The following CEP63 variants were observed in gnomAD, a reference collection of about 807,000 sequenced individuals.
CEP63 encodes centrosomal protein 63.
In CEP63, 84 loss-of-function variants were observed where a neutral mutation model predicts 89.1. The ratio of observed to expected loss-of-function variants is 0.94; its 90% CI spans 0.79 to 1.13. The LOEUF is 1.13. Among genes scored for constraint, CEP63 ranks in the 50% most tolerant of loss-of-function variants. The probability of loss-of-function intolerance (pLI) is 0.00; values close to 1 mark genes in which losing one functional copy is unlikely to be tolerated. For synonymous variants in CEP63, 267 were observed against 272.5 expected, an observed-to-expected ratio of 0.98 and a Z score of 0.20; for missense variants, 838 against 813.3, an observed-to-expected ratio of 1.03 and a Z score of -0.37.
chr3:134,597,052 T>C, the CEP63 span, among the ~76,000 whole-genome samples: 1 of 152,090 alleles, frequency 6.6e-6, no homozygotes, highest in Non-Finnish European at 1.5e-5. Context: ...TTGATGATTC[T>C]AAGGGGCTCT....
At chr3:134,752,365 A>G in the CEP63 span, among the ~76,000 whole-genome samples, 9,800 of 152,196 alleles carry the variant, frequency 0.064, 1,091 homozygotes, top group African/African-American at 0.22. Flanking sequence ...AAAGTGTCCA[A>G]CACATATGAG....
chr3:134,485,991 G>GGGCCCCCC, upstream of CEP63: 3 of 938,160 alleles, frequency 3.2e-6, no homozygotes, highest in Non-Finnish European at 3.8e-6. Flanking sequence ...CTCCTGCCAC[G>GGGCCCCCC]CCCCCCCCCC....
intron 3 of CEP63, among the ~76,000 whole-genome samples, chr3:134,516,300 A>G (rs1946199955): frequency 1.3e-5 from 2 of 152,218 alleles, no homozygotes; most frequent in Admixed American, 6.5e-5. Flanking sequence ...TGCTGCCTGC[A>G]TGTCCCACCT....
the CEP63 span, chr3:134,650,828 C>T: frequency 6.3e-7 from 1 of 1,593,310 alleles, no homozygotes; most frequent in South Asian, 1.1e-5. Context: ...GCGTTACCTC[C>T]TCCGCGCTGC....
chr3:134,684,445 T>C, the CEP63 span, among the ~76,000 whole-genome samples: 589 of 152,376 alleles, frequency 3.9e-3, 3 homozygotes, highest in Middle Eastern at 0.014. Context: ...ACTGTCTCTT[T>C]TGACTTTCGC....
chr3:134,715,821 A>G, the CEP63 span, among the ~76,000 whole-genome samples: 1 of 152,160 alleles, frequency 6.6e-6, no homozygotes, highest in Non-Finnish European at 1.5e-5. Flanking sequence ...CCCTTTGTTC[A>G]AGATCTCTCT....
the CEP63 span, among the ~76,000 whole-genome samples, chr3:134,747,681 G>C: frequency 6.6e-6 from 1 of 152,180 alleles, no homozygotes; most frequent in African/African-American, 2.4e-5. Context: ...GCAAACAAGA[G>C]CAACTCTGAA....
At chr3:134,635,268 G>A in the CEP63 span, among the ~76,000 whole-genome samples, 4 of 152,014 alleles carry the variant, frequency 2.6e-5, no homozygotes, top group Non-Finnish European at 5.9e-5. Flanking sequence ...AGGCCGAGGT[G>A]GGTGGATCAC....
Position 134,541,804 on chromosome 3 carries a change from C to T in CEP63, c.556-3782C>T, listed in dbSNP as rs535805674. On this transcript the variant is annotated intron_variant, in intron 6 of 14. Transcript: ENST00000675561. ...CTGGGATTACAGGTGTGAGCCACTG[C>T]GCCTGGCCACCAGCATTTTTTAAAA... 7.2e-5 allele frequency among the ~76,000 whole-genome samples: 11 copies of T among 152,130 alleles called. No individual in the cohort carries two copies. In the East Asian group the frequency reaches 7.7e-4, roughly 11 times the overall value.
intron 6 of CEP63, 151 bp from the exon 7 acceptor site, chr3:134,545,435 A>G (rs1953065019): frequency 6.0e-6 from 4 of 662,126 alleles, no homozygotes; most frequent in African/African-American, 2.0e-5. Context: ...CAGCCTCTCA[A>G]TTCTTTCTTA....
chr3:134,593,266 G>T, the CEP63 span, among the ~76,000 whole-genome samples: 1 of 152,208 alleles, frequency 6.6e-6, no homozygotes, highest in Non-Finnish European at 1.5e-5. Flanking sequence ...TTATGCTGAT[G>T]ATGACTGATG....
chr3:134,571,042 A>G (rs1426027953), intron 11 of CEP63, among the ~76,000 whole-genome samples: 1 of 152,236 alleles, frequency 6.6e-6, no homozygotes. Flanking sequence ...CCATGATTCA[A>G]CCACCTCCCA....
the CEP63 span, among the ~76,000 whole-genome samples, chr3:134,695,626 C>T: frequency 7.9e-5 from 12 of 152,218 alleles, no homozygotes; most frequent in East Asian, 7.7e-4. Flanking sequence ...TATAGACTCC[C>T]GGAAGGAAAG....
intron 5 of CEP63, 141 bp from the exon 6 acceptor site, chr3:134,537,010 CTGAG>C (rs1950892662): frequency 1.4e-6 from 1 of 698,500 alleles, no homozygotes; most frequent in South Asian, 1.5e-5. Flanking sequence ...GCTCTGTTAG[CTGAG>C]TGAGTAATGG....
At chr3:134,750,515 G>T in the CEP63 span, among the ~76,000 whole-genome samples, 1 of 152,186 alleles carries the variant, frequency 6.6e-6, no homozygotes, top group Non-Finnish European at 1.5e-5. Flanking sequence ...GCTGCTCTGA[G>T]CCCCTGTGTT....
At chr3:134,738,396 T>C in the CEP63 span, among the ~76,000 whole-genome samples, 1 of 152,306 alleles carries the variant, frequency 6.6e-6, no homozygotes, top group South Asian at 2.1e-4. Context: ...GTATCTTTTT[T>C]GAATAATGAC....
chr3:134,749,603 T>C, the CEP63 span, among the ~76,000 whole-genome samples: 1 of 147,798 alleles, frequency 6.8e-6, no homozygotes, highest in African/African-American at 2.5e-5. Context: ...GAAGGGTCTG[T>C]GTGTGCAACC....
the CEP63 span, among the ~76,000 whole-genome samples, chr3:134,646,725 AG>A: frequency 2.0e-5 from 3 of 152,116 alleles, no homozygotes; most frequent in Non-Finnish European, 4.4e-5. Flanking sequence ...ATCTGATCCT[AG>A]GGCTCACATA....
the CEP63 span, among the ~76,000 whole-genome samples, chr3:134,689,306 G>A: frequency 1.3e-5 from 2 of 152,180 alleles, no homozygotes; most frequent in South Asian, 4.2e-4. Flanking sequence ...AAAAATGTAC[G>A]TAGCTGAATA....
Sources: allele counts gnomAD v4.1 joint callset (sites outside exome capture counted in the v4.1 genomes callset), GRCh38; gene constraint gnomAD v4.1.1; transcripts MANE v1.5; gene names NCBI Gene and HGNC (gene_info 2026-07-23, HGNC 2026-07-21).